Variants in NCKAP5 observed in about 807,000 individuals in gnomAD.
NCKAP5 encodes NCK associated protein 5.
Under a neutral mutation model 167.0 loss-of-function variants are expected in NCKAP5, and 92 were observed. The ratio of observed to expected loss-of-function variants is 0.55; its 90% CI spans 0.47 to 0.66. The LOEUF is 0.66. NCKAP5 is among the 30% of genes least tolerant of loss of function. NCKAP5 has a pLI of 0.00. For missense variants in NCKAP5, 2,378 were observed against 2,315.0 expected (o/e 1.03, Z -0.56); for synonymous variants, 891 against 877.4 (o/e 1.02, Z -0.27).
At chr2:133,136,380 T>C (rs554282074) in intron 5 of NCKAP5, among the ~76,000 whole-genome samples, 2 of 152,272 alleles carry the variant, frequency 1.3e-5, no homozygotes, top group Non-Finnish European at 2.9e-5. Context: ...GGCTTGGAAA[T>C]TCTAGCACCA....
intron 6 of NCKAP5, among the ~76,000 whole-genome samples, chr2:133,084,874 G>A (rs1055636074): frequency 2.0e-5 from 3 of 152,098 alleles, no homozygotes; most frequent in Admixed American, 6.5e-5. Flanking sequence ...CGCCTTAAGT[G>A]GAAGGATAAT....
the NCKAP5 span, among the ~76,000 whole-genome samples, chr2:133,608,623 G>A: frequency 6.6e-6 from 1 of 152,156 alleles, no homozygotes; most frequent in South Asian, 2.1e-4. Context: ...GTAAAATAGA[G>A]ATAACAATCC....
intron 12 of NCKAP5, among the ~76,000 whole-genome samples, chr2:132,795,561 C>T (rs1283593403): frequency 9.9e-5 from 15 of 152,024 alleles, no homozygotes. Flanking sequence ...TGGCTCATGC[C>T]TGTAATCCCA....
chr2:133,195,613 C>A (rs975735555), intron 5 of NCKAP5, among the ~76,000 whole-genome samples: 5 of 152,032 alleles, frequency 3.3e-5, no homozygotes, highest in African/African-American at 1.2e-4. Flanking sequence ...GTGTAGAAAT[C>A]AAGATAATTA....
the NCKAP5 span, among the ~76,000 whole-genome samples, chr2:133,658,234 T>C: frequency 6.6e-6 from 1 of 152,082 alleles, no homozygotes; most frequent in Non-Finnish European, 1.5e-5. Context: ...ATGTGAGTAA[T>C]GCAGGGTTGA....
chr2:133,038,597 C>T (rs903323531), intron 6 of NCKAP5, among the ~76,000 whole-genome samples: 5 of 152,082 alleles, frequency 3.3e-5, no homozygotes, highest in Admixed American at 3.3e-4. Flanking sequence ...CTTAATTGCA[C>T]ATTTAAAAAT....
At chr2:133,095,812 T>G (rs7579940) in intron 6 of NCKAP5, among the ~76,000 whole-genome samples, 7,486 of 152,300 alleles carry the variant, frequency 0.049, 592 homozygotes, top group African/African-American at 0.17. Context: ...AACAGTGTTG[T>G]GTTTTCCAGT....
intron 16 of NCKAP5, among the ~76,000 whole-genome samples, chr2:132,763,614 G>C (rs1028563737): frequency 1.3e-5 from 2 of 152,136 alleles, no homozygotes; most frequent in African/African-American, 2.4e-5. Context: ...GCAAAGTTTG[G>C]GAAACATTGG....
At chr2:133,625,706 T>C in the NCKAP5 span, among the ~76,000 whole-genome samples, 6 of 151,918 alleles carry the variant, frequency 3.9e-5, no homozygotes, top group South Asian at 8.3e-4. Flanking sequence ...CCGTCTCTAC[T>C]AAAAATACAA....
intron 5 of NCKAP5, among the ~76,000 whole-genome samples, chr2:133,202,982 C>T (rs1337533549): frequency 6.6e-6 from 1 of 151,216 alleles, no homozygotes; most frequent in Admixed American, 6.6e-5. Context: ...GACAGTGTGG[C>T]AATCCCTCAA....
rs997469534 is a variant in NCKAP5, at chr2:132,878,774, A to C, written c.648+74T>G. On this transcript the variant is annotated intron_variant, in intron 9 of 19. Transcript: ENST00000409261. ...TGTTTTGTGGATACTGGTAGCACACACACATTTTGAGATCAGATTAAGGGA... is the reference window on the plus strand; with the variant it reads ...TGTTTTGTGGATACTGGTAGCACACCCACATTTTGAGATCAGATTAAGGGA... The C allele has an allele frequency of 6.5e-6, 7 of 1,083,070 alleles. No homozygotes were observed. In the African/African-American group the frequency reaches 9.3e-5, roughly 14 times the overall value. 67.1% of individuals were successfully genotyped at this position (1,083,070 alleles called of 1,614,324 possible).
chr2:133,115,789 A>ATG (rs2082056805), intron 6 of NCKAP5, among the ~76,000 whole-genome samples: 1 of 99,604 alleles, frequency 1.0e-5, no homozygotes, highest in Non-Finnish European at 1.9e-5. Flanking sequence ...ATATATATAT[A>ATG]TATATATATA....
At chr2:133,136,075 A>C (rs538973860) in intron 5 of NCKAP5, among the ~76,000 whole-genome samples, 37 of 152,326 alleles carry the variant, frequency 2.4e-4, no homozygotes, top group African/African-American at 8.9e-4. Flanking sequence ...GGAGAGGATA[A>C]CTTAATCACA....
intron 3 of NCKAP5, among the ~76,000 whole-genome samples, chr2:133,423,606 T>C (rs1689617090): frequency 6.6e-6 from 1 of 152,198 alleles, no homozygotes; most frequent in African/African-American, 2.4e-5. Context: ...ATGTTTGACA[T>C]TTATCTTGCA....
intron 4 of NCKAP5, among the ~76,000 whole-genome samples, chr2:133,297,469 A>C: frequency 6.6e-6 from 1 of 152,138 alleles, no homozygotes; most frequent in Non-Finnish European, 1.5e-5. Context: ...ATTTCAACAG[A>C]ATATTAGACA....
intron 3 of NCKAP5, among the ~76,000 whole-genome samples, chr2:133,453,581 G>T (rs1308301029): frequency 6.6e-6 from 1 of 152,034 alleles, no homozygotes; most frequent in Non-Finnish European, 1.5e-5. Context: ...CAAAATAAGG[G>T]TTATTCATTC....
intron 19 of NCKAP5, among the ~76,000 whole-genome samples, chr2:132,684,766 G>T (rs561310085): frequency 6.6e-6 from 1 of 152,182 alleles, no homozygotes; most frequent in Admixed American, 6.5e-5. Flanking sequence ...CTGTAGGGTT[G>T]GGCTGAGTCT....
chr2:133,404,351 A>C (rs1688290089), intron 3 of NCKAP5, among the ~76,000 whole-genome samples: 1 of 152,182 alleles, frequency 6.6e-6, no homozygotes, highest in African/African-American at 2.4e-5. Context: ...ATATTCCAAA[A>C]CCACTAGTGG....
At chr2:132,764,189 G>A (rs2104880307) in intron 16 of NCKAP5, among the ~76,000 whole-genome samples, 1 of 152,318 alleles carries the variant, frequency 6.6e-6, no homozygotes, top group Middle Eastern at 3.4e-3. Flanking sequence ...GGAGCAAGCT[G>A]ACAGTAAAAC....
Sources: allele counts gnomAD v4.1 joint callset (sites outside exome capture counted in the v4.1 genomes callset), GRCh38; gene constraint gnomAD v4.1.1; transcripts MANE v1.5; gene names NCBI Gene and HGNC (gene_info 2026-07-23, HGNC 2026-07-21).